The following CAST variants were observed in gnomAD, a reference collection of about 807,000 sequenced individuals.
CAST encodes MIR583 host.
In CAST, 76 loss-of-function variants were observed where a neutral mutation model predicts 119.6. The ratio of observed to expected loss-of-function variants is 0.64; its 90% CI spans 0.53 to 0.77. The LOEUF is 0.77. Among genes scored for constraint, CAST ranks in the 30% least tolerant of loss-of-function variants. The pLI, the probability that CAST is intolerant of heterozygous loss-of-function variation, is 0.00. For synonymous variants in CAST, 319 were observed against 331.6 expected (o/e 0.96, Z 0.41); for missense variants, 953 against 946.5 (o/e 1.01, Z -0.09).
At chr5:96,073,236 T>G in the CAST span, among the ~76,000 whole-genome samples, 15 of 152,322 alleles carry the variant, frequency 9.8e-5, no homozygotes, top group East Asian at 2.7e-3. Context: ...TACAGACTTA[T>G]GTGGTGAATC....
chr5:96,594,270 G>A lies in CAST; in HGVS notation c.60+64390G>A, dbSNP rs144641991. ...AACCGTTCCTGCAGAAAATCATATA[G>A]AAGAAAGGGAAAGATAGGGCAACCC... On this transcript the variant is annotated intron_variant, in intron 1 of 11. Coordinates refer to the CAST transcript ENST00000505143. Among the ~76,000 whole-genome samples, 18 of 152,260 alleles carry A rather than the reference G, an allele frequency of 1.2e-4. No homozygotes were observed. The East Asian group carries it at 2.5e-3, about 21-fold the overall frequency.
chr5:96,151,160 CTG>C, the CAST span, among the ~76,000 whole-genome samples: 1 of 152,130 alleles, frequency 6.6e-6, no homozygotes, highest in Non-Finnish European at 1.5e-5. Context: ...TTGGAAGTGA[CTG>C]TGATAGCTAT....
intron 24 of CAST, among the ~76,000 whole-genome samples, chr5:96,760,130 A>G (rs1372729519): frequency 6.6e-6 from 1 of 152,002 alleles, no homozygotes. Context: ...AGTTGCTTCT[A>G]TGAGTAATTA....
At chr5:96,410,001 G>C in the CAST span, among the ~76,000 whole-genome samples, 1 of 152,176 alleles carries the variant, frequency 6.6e-6, no homozygotes, top group Non-Finnish European at 1.5e-5. Context: ...ATCATGACCT[G>C]CTATTTCACT....
chr5:96,697,100 A>T (rs955395708), intron 3 of CAST, among the ~76,000 whole-genome samples: 2 of 150,928 alleles, frequency 1.3e-5, no homozygotes, highest in Non-Finnish European at 3.0e-5. Context: ...CCCGGGAGGC[A>T]CAGGTTGCAG....
At chr5:96,361,646 C>T in the CAST span, among the ~76,000 whole-genome samples, 1,109 of 152,156 alleles carry the variant, frequency 7.3e-3, 12 homozygotes, top group African/African-American at 0.026. Flanking sequence ...TTCAGCTCAC[C>T]TTCCGTGGGC....
chr5:96,758,839 A>G (rs76128213), intron 24 of CAST, among the ~76,000 whole-genome samples: 1 of 152,194 alleles, frequency 6.6e-6, no homozygotes, highest in Non-Finnish European at 1.5e-5. Context: ...TTTAGAAACC[A>G]TAAGACATGG....
chr5:96,738,586 T>C (rs1204105471), intron 11 of CAST, among the ~76,000 whole-genome samples: 1 of 152,014 alleles, frequency 6.6e-6, no homozygotes. Flanking sequence ...TTTACCACCC[T>C]CAGTTTATCC....
the CAST span, among the ~76,000 whole-genome samples, chr5:96,131,625 C>CTA: frequency 3.3e-5 from 5 of 152,078 alleles, no homozygotes; most frequent in African/African-American, 1.2e-4. Flanking sequence ...TCACCGTAAC[C>CTA]TACTTTTTAC....
At chr5:96,105,599 T>C in the CAST span, among the ~76,000 whole-genome samples, 1 of 152,080 alleles carries the variant, frequency 6.6e-6, no homozygotes, top group Admixed American at 6.5e-5. Context: ...TTGATCATGG[T>C]GGATAAGCTT....
At chr5:96,330,693 A>G in the CAST span, among the ~76,000 whole-genome samples, 1 of 152,210 alleles carries the variant, frequency 6.6e-6, no homozygotes, top group Non-Finnish European at 1.5e-5. Flanking sequence ...GTCAAAGCTA[A>G]TGAAAATAAG....
chr5:96,305,198 T>C, the CAST span, among the ~76,000 whole-genome samples: 1 of 152,210 alleles, frequency 6.6e-6, no homozygotes, highest in African/African-American at 2.4e-5. Flanking sequence ...AGGTATTTTA[T>C]TCTCTTTGTA....
chr5:96,238,346 CATCTTCATCTT>C, the CAST span, among the ~76,000 whole-genome samples: 5 of 127,170 alleles, frequency 3.9e-5, no homozygotes, highest in African/African-American at 3.2e-5. Context: ...TCTTCTTCTT[CATCTTCATCTT>C]CTTCTTCTCC....
the CAST span, among the ~76,000 whole-genome samples, chr5:96,222,505 A>T: frequency 0.037 from 5,599 of 152,252 alleles, 360 homozygotes; most frequent in African/African-American, 0.13. Context: ...CAGGTATACG[A>T]CAAAATGCTC....
chr5:96,425,643 C>A, the CAST span, among the ~76,000 whole-genome samples: 4 of 151,948 alleles, frequency 2.6e-5, no homozygotes, highest in Middle Eastern at 3.4e-3. Flanking sequence ...AACATCCTTA[C>A]TCAGCAAAAC....
chr5:96,111,180 C>A, the CAST span, among the ~76,000 whole-genome samples: 1 of 152,142 alleles, frequency 6.6e-6, no homozygotes. Flanking sequence ...AGGAACACTT[C>A]GTATTACTGG....
At chr5:96,601,883 T>G (rs1024241658) in intron 1 of CAST, among the ~76,000 whole-genome samples, 1 of 152,202 alleles carries the variant, frequency 6.6e-6, no homozygotes, top group African/African-American at 2.4e-5. Flanking sequence ...TTGCTCCTGG[T>G]GTATCCAAAA....
chr5:96,552,826 C>G (rs758135862), intron 1 of CAST, among the ~76,000 whole-genome samples: 1 of 152,118 alleles, frequency 6.6e-6, no homozygotes, highest in Non-Finnish European at 1.5e-5. Context: ...TTGATAAATT[C>G]CTGGACACAT....
chr5:96,359,291 T>A, the CAST span, among the ~76,000 whole-genome samples: 1,565 of 152,328 alleles, frequency 0.01, 27 homozygotes, highest in African/African-American at 0.036. Flanking sequence ...TTTTTCCAAT[T>A]TGCCAGTCTG....
Sources: gnomAD v4.1 joint callset for allele counts (sites outside exome capture counted in the v4.1 genomes callset) on GRCh38, gnomAD v4.1.1 for gene constraint, MANE v1.5 for transcripts, NCBI Gene and HGNC (gene_info 2026-07-23, HGNC 2026-07-21) for gene names.